Variants in PLCB4 observed in about 807,000 individuals in gnomAD.
PLCB4 encodes the protein 1-phosphatidylinositol 4,5-bisphosphate phosphodiesterase beta-4.
Under a neutral mutation model 178.8 loss-of-function variants are expected in PLCB4, and 77 were observed. The ratio of observed to expected loss-of-function variants is 0.43; its 90% CI spans 0.36 to 0.52. The LOEUF (loss-of-function observed/expected upper bound fraction) is 0.52. Ranked by LOEUF, PLCB4 falls within the 20% of genes least tolerant of loss-of-function variation. PLCB4 has a pLI of 0.00. For synonymous variants in PLCB4, 496 were observed against 490.8 expected (o/e 1.01, Z -0.14); for missense variants, 1,024 against 1,453.4 (o/e 0.70, Z 4.80).
At chr20:9,473,652 A>G (rs1413920171) in intron 38 of PLCB4, among the ~76,000 whole-genome samples, 1 of 152,242 alleles carries the variant, frequency 6.6e-6, no homozygotes, top group African/African-American at 2.4e-5. Flanking sequence ...GATGAAAAAA[A>G]GAGATTACGA....
intron 12 of PLCB4, among the ~76,000 whole-genome samples, chr20:9,374,423 C>T (rs943667761): frequency 8.5e-5 from 13 of 152,210 alleles, no homozygotes; most frequent in South Asian, 8.3e-4. Flanking sequence ...TTTCTTTAAC[C>T]CCTTCCCCTT....
At chr20:9,346,675 AGGGG>A (rs915255026) in intron 7 of PLCB4, among the ~76,000 whole-genome samples, 8 of 152,124 alleles carry the variant, frequency 5.3e-5, no homozygotes, top group African/African-American at 1.9e-4. Context: ...CAAATCAATG[AGGGG>A]GGGCATTAAG....
At chr20:9,118,378 A>T (rs1259556571) in intron 2 of PLCB4, among the ~76,000 whole-genome samples, 1 of 151,896 alleles carries the variant, frequency 6.6e-6, no homozygotes, top group Non-Finnish European at 1.5e-5. Context: ...ATAAACAAAG[A>T]ATTTAATAAA....
intron 4 of PLCB4, among the ~76,000 whole-genome samples, chr20:9,317,420 C>T (rs920240442): frequency 6.6e-6 from 1 of 152,098 alleles, no homozygotes; most frequent in Non-Finnish European, 1.5e-5. Flanking sequence ...TTCTCATTTT[C>T]ATGTCTCTTC....
chr20:9,469,484 A>G (rs891447129), intron 36 of PLCB4, among the ~76,000 whole-genome samples: 2 of 152,174 alleles, frequency 1.3e-5, no homozygotes, highest in African/African-American at 4.8e-5. Context: ...TCCTTATGTT[A>G]GGTGAGTTTT....
intron 2 of PLCB4, among the ~76,000 whole-genome samples, chr20:9,145,310 A>G (rs1378308251): frequency 6.6e-6 from 1 of 152,156 alleles, no homozygotes; most frequent in African/African-American, 2.4e-5. Context: ...CAAATGAGTT[A>G]AAATGTTTTT....
At chr20:9,189,974 C>T (rs1472189237) in intron 2 of PLCB4, among the ~76,000 whole-genome samples, 9 of 152,156 alleles carry the variant, frequency 5.9e-5, no homozygotes, top group Non-Finnish European at 8.8e-5. Context: ...TCTCCCCCAC[C>T]CCCGAGGTGT....
intron 3 of PLCB4, among the ~76,000 whole-genome samples, chr20:9,297,347 G>A (rs979805517): frequency 2.0e-5 from 3 of 151,970 alleles, no homozygotes; most frequent in African/African-American, 7.3e-5. Context: ...GAATAATATG[G>A]TGGACTCTGG....
At chr20:9,090,304 T>C (rs2090620476) in intron 1 of PLCB4, among the ~76,000 whole-genome samples, 1 of 151,792 alleles carries the variant, frequency 6.6e-6, no homozygotes, top group Non-Finnish European at 1.5e-5. Flanking sequence ...AAAAAGGATT[T>C]GTTTATCTTT....
chr20:9,448,620 C>CT (rs11379188), intron 32 of PLCB4, among the ~76,000 whole-genome samples: 15,534 of 144,376 alleles, frequency 0.11, 910 homozygotes, highest in East Asian at 0.16. Context: ...TATGCACAGA[C>CT]TTTTTTTTTT....
chr20:9,229,167 T>C (rs2093903094), intron 3 of PLCB4, among the ~76,000 whole-genome samples: 1 of 152,220 alleles, frequency 6.6e-6, no homozygotes, highest in South Asian at 2.1e-4. Flanking sequence ...AAAGCAGCCT[T>C]TTTTAAGGAT....
intron 2 of PLCB4, among the ~76,000 whole-genome samples, chr20:9,130,274 A>G (rs2146807779): frequency 6.6e-6 from 1 of 152,216 alleles, no homozygotes; most frequent in South Asian, 2.1e-4. Flanking sequence ...TACTGCAGAA[A>G]CTCAGTAAAC....
chr20:9,350,167 A>T (rs189250492), intron 7 of PLCB4, among the ~76,000 whole-genome samples: 1 of 152,202 alleles, frequency 6.6e-6, no homozygotes, highest in East Asian at 1.9e-4. Context: ...AAAAAAAAAC[A>T]GGAAAACTAG....
chr20:9,080,038 T>C (rs1343445135), intron 1 of PLCB4, among the ~76,000 whole-genome samples: 2 of 152,160 alleles, frequency 1.3e-5, no homozygotes, highest in African/African-American at 4.8e-5. Context: ...TATAAAAATA[T>C]TTTATTTAAA....
chr20:9,143,502 A>G (rs946020966), intron 2 of PLCB4, among the ~76,000 whole-genome samples: 5 of 152,162 alleles, frequency 3.3e-5, no homozygotes, highest in African/African-American at 1.2e-4. Context: ...AACATTTCAC[A>G]TTAGCTAGTT....
At chr20:9,469,747 T>A (rs934321500) in intron 36 of PLCB4, among the ~76,000 whole-genome samples, 1 of 152,230 alleles carries the variant, frequency 6.6e-6, no homozygotes, top group Non-Finnish European at 1.5e-5. Flanking sequence ...AAGGTTTGTG[T>A]GTCCTCTATA....
chr20:9,468,955 A>C (rs1235850106), intron 36 of PLCB4, among the ~76,000 whole-genome samples: 1 of 151,758 alleles, frequency 6.6e-6, no homozygotes, highest in Non-Finnish European at 1.5e-5. Flanking sequence ...ATAATAATAT[A>C]ATTCTTTTTT....
chr20:9,465,622 C>T (rs150666183), intron 35 of PLCB4, among the ~76,000 whole-genome samples: 117 of 152,272 alleles, frequency 7.7e-4, no homozygotes, highest in African/African-American at 2.0e-3. Flanking sequence ...AAATCACAAG[C>T]GTTCCTATAC....
chr20:9,324,080 CAGG>C (rs1346043694), intron 4 of PLCB4, among the ~76,000 whole-genome samples: 1 of 151,170 alleles, frequency 6.6e-6, no homozygotes. Flanking sequence ...GAGGCTGAGG[CAGG>C]AGAATTGCTT....
Sources: gnomAD v4.1 joint callset for allele counts (sites outside exome capture counted in the v4.1 genomes callset) on GRCh38, gnomAD v4.1.1 for gene constraint, MANE v1.5 for transcripts, NCBI Gene and HGNC (gene_info 2026-07-23, HGNC 2026-07-21) for gene names.